The following DGLUCY variants were observed in gnomAD, a reference collection of about 807,000 sequenced individuals.
The protein encoded by DGLUCY is D-glutamate cyclase.
DGLUCY carries 58 observed loss-of-function variants against 58.5 expected under a neutral mutation model. That is an observed-to-expected ratio of 0.99 (90% CI 0.80 to 1.23). The LOEUF is 1.23. DGLUCY is among the 50% of genes most tolerant of loss of function. DGLUCY has a pLI of 0.00. For missense variants in DGLUCY, 779 were observed against 784.7 expected (o/e 0.99, Z 0.09); for synonymous variants, 325 against 314.1 (o/e 1.03, Z -0.37).
intron 1 of DGLUCY, among the ~76,000 whole-genome samples, chr14:91,157,263 A>ATGGG (rs1451317455): frequency 4.1e-5 from 1 of 24,494 alleles, no homozygotes; most frequent in East Asian, 2.0e-3. Flanking sequence ...GGATGAATGA[A>ATGGG]TGGGTGGATG....
chr14:91,070,723 C>T (rs1406345601), intron 1 of DGLUCY, among the ~76,000 whole-genome samples: 3 of 152,116 alleles, frequency 2.0e-5, no homozygotes, highest in Non-Finnish European at 1.5e-5. Flanking sequence ...TAATCATAAA[C>T]ATTTGATAGT....
intron 11 of DGLUCY, among the ~76,000 whole-genome samples, chr14:91,200,155 A>G (rs1364315363): frequency 6.6e-6 from 1 of 152,158 alleles, no homozygotes; most frequent in African/African-American, 2.4e-5. Flanking sequence ...AGGTTTCACC[A>G]TGTTGGCCAG....
chr14:91,201,919 G>A (rs115547699), intron 11 of DGLUCY, among the ~76,000 whole-genome samples: 3,968 of 151,976 alleles, frequency 0.026, 96 homozygotes, highest in African/African-American at 0.055. Flanking sequence ...ACCAGGCATG[G>A]TGGTGGGCTC....
At chr14:91,183,674 A>G (rs1309425994) in intron 8 of DGLUCY, among the ~76,000 whole-genome samples, 2 of 152,162 alleles carry the variant, frequency 1.3e-5, no homozygotes, top group Admixed American at 6.6e-5. Flanking sequence ...GCTATGATTA[A>G]CTTCATTTAA....
intron 13 of DGLUCY, chr14:91,223,753 G>A: frequency 7.9e-7 from 1 of 1,271,630 alleles, no homozygotes; most frequent in Non-Finnish European, 1.0e-6. Flanking sequence ...CTCATTTTGT[G>A]AATGCCTGTT....
intron 9 of DGLUCY, among the ~76,000 whole-genome samples, chr14:91,194,298 G>A (rs1030425169): frequency 2.6e-5 from 4 of 152,104 alleles, no homozygotes; most frequent in African/African-American, 9.7e-5. Context: ...CGTTCCCACC[G>A]AGGGCTGTTT....
At chr14:91,143,917 A>G (rs1402588198) in intron 1 of DGLUCY, among the ~76,000 whole-genome samples, 4 of 152,210 alleles carry the variant, frequency 2.6e-5, no homozygotes, top group African/African-American at 7.2e-5. Context: ...CGTAATAAGT[A>G]GAGTCAATTA....
At chr14:91,120,262 A>T (rs904823865) in intron 1 of DGLUCY, among the ~76,000 whole-genome samples, 11 of 151,894 alleles carry the variant, frequency 7.2e-5, no homozygotes, top group Non-Finnish European at 1.5e-4. Context: ...CCTGTCATGG[A>T]CCTCTGCCTG....
intron 1 of DGLUCY, among the ~76,000 whole-genome samples, chr14:91,062,205 C>G (rs1021263413): frequency 1.4e-4 from 22 of 152,044 alleles, no homozygotes; most frequent in Non-Finnish European, 3.1e-4. Flanking sequence ...ACATAGTTTT[C>G]ATGTATCGTA....
chr14:91,089,823 A>C (rs1032890422), intron 1 of DGLUCY, among the ~76,000 whole-genome samples: 4 of 151,704 alleles, frequency 2.6e-5, no homozygotes, highest in African/African-American at 9.7e-5. Context: ...TCTGTCTCAA[A>C]AAAAAAAAAA....
At chr14:91,078,579 A>T (rs2044069476) in intron 1 of DGLUCY, among the ~76,000 whole-genome samples, 1 of 152,186 alleles carries the variant, frequency 6.6e-6, no homozygotes, top group Non-Finnish European at 1.5e-5. Flanking sequence ...TTTTGAAAAC[A>T]CTAGCGTGAC....
At chr14:91,063,688 T>C (rs2043771615) in intron 1 of DGLUCY, among the ~76,000 whole-genome samples, 1 of 152,216 alleles carries the variant, frequency 6.6e-6, no homozygotes, top group Admixed American at 6.5e-5. Context: ...GGTTGAGAGA[T>C]TGAGAAAGGC....
chr14:91,112,678 A>C (rs144399111), upstream of DGLUCY, among the ~76,000 whole-genome samples: 139 of 152,292 alleles, frequency 9.1e-4, no homozygotes, highest in East Asian at 0.019. Flanking sequence ...TGATAACAAA[A>C]GAGAAAAAGA....
upstream of DGLUCY, among the ~76,000 whole-genome samples, chr14:91,111,278 A>C (rs182996741): frequency 5.6e-3 from 314 of 56,534 alleles, 4 homozygotes; most frequent in Middle Eastern, 0.014. Flanking sequence ...ATCTATCTAT[A>C]TATATATATA....
chr14:91,098,558 A>C (rs2044432901), intron 1 of DGLUCY, among the ~76,000 whole-genome samples: 2 of 152,218 alleles, frequency 1.3e-5, no homozygotes, highest in South Asian at 4.1e-4. Flanking sequence ...TTAATTTCTA[A>C]TAATGGCTGT....
chr14:91,177,392 G>T (rs1362010682), intron 7 of DGLUCY, among the ~76,000 whole-genome samples: 1 of 152,150 alleles, frequency 6.6e-6, no homozygotes, highest in Non-Finnish European at 1.5e-5. Flanking sequence ...AGACATTTTG[G>T]AGATTGATGG....
chr14:91,146,629 C>T (rs577417056), intron 1 of DGLUCY, among the ~76,000 whole-genome samples: 7 of 152,272 alleles, frequency 4.6e-5, no homozygotes, highest in Non-Finnish European at 1.0e-4. Context: ...TCAGGCCACA[C>T]ACATTGTCCC....
At chr14:91,111,198 A>ATGTGTGTGTGTGTG (rs1201886405), upstream of DGLUCY, among the ~76,000 whole-genome samples, 1 of 32,648 alleles carries the variant, frequency 3.1e-5, no homozygotes, top group African/African-American at 8.7e-5. Context: ...TTTTATTTAT[A>ATGTGTGTGTGTGTG]TATATGTGTG....
At chr14:91,214,127 C>A (rs1055355853) in intron 12 of DGLUCY, among the ~76,000 whole-genome samples, 1 of 151,916 alleles carries the variant, frequency 6.6e-6, no homozygotes, top group Admixed American at 6.6e-5. Context: ...ATTAAATGAC[C>A]CCTTTTCTAT....
Sources: gnomAD v4.1 joint callset for allele counts (sites outside exome capture counted in the v4.1 genomes callset) on GRCh38, gnomAD v4.1.1 for gene constraint, MANE v1.5 for transcripts, NCBI Gene and HGNC (gene_info 2026-07-23, HGNC 2026-07-21) for gene names.